STK39: variants seen among roughly 807,000 people sequenced by gnomAD.
STK39 encodes serine/threonine kinase 39, also known as STE20/SPS1-related proline-alanine-rich protein kinase.
Under a neutral mutation model 77.8 loss-of-function variants are expected in STK39, and 20 were observed. That is an observed-to-expected ratio of 0.26 (90% CI 0.18 to 0.37). The LOEUF (loss-of-function observed/expected upper bound fraction) is 0.37, where lower values mean the gene tolerates loss of function less well. Ranked by LOEUF, STK39 falls within the 10% of genes least tolerant of loss-of-function variation. STK39 has a pLI of 1.00. For missense variants in STK39, 479 were observed against 656.5 expected, an observed-to-expected ratio of 0.73 and a Z score of 2.95; for synonymous variants, 246 against 234.1, an observed-to-expected ratio of 1.05 and a Z score of -0.47.
intron 14 of STK39, among the ~76,000 whole-genome samples, chr2:168,048,370 G>A (rs1225519401): frequency 2.0e-5 from 3 of 151,922 alleles, no homozygotes; most frequent in African/African-American, 2.4e-5. Context: ...CCGCCACCAC[G>A]CCTGGCTAAT....
intron 5 of STK39, among the ~76,000 whole-genome samples, chr2:168,144,751 A>G (rs1299732191): frequency 1.3e-5 from 2 of 152,118 alleles, no homozygotes. Flanking sequence ...GGATAAGCAT[A>G]AATATTTTAC....
At chr2:168,057,044 G>T (rs1685545023) in intron 14 of STK39, among the ~76,000 whole-genome samples, 1 of 152,180 alleles carries the variant, frequency 6.6e-6, no homozygotes, top group Non-Finnish European at 1.5e-5. Context: ...GGGTGCTGGG[G>T]TGAGAGAAGA....
chr2:168,195,679 C>A (rs1460404636), intron 1 of STK39, among the ~76,000 whole-genome samples: 2 of 152,186 alleles, frequency 1.3e-5, no homozygotes, highest in Non-Finnish European at 2.9e-5. Context: ...TAAGTCCATC[C>A]AGTTAGAGTA....
chr2:167,997,218 A>G (rs1429108530), intron 16 of STK39, among the ~76,000 whole-genome samples: 4 of 151,914 alleles, frequency 2.6e-5, no homozygotes, highest in Non-Finnish European at 5.9e-5. Context: ...AAGTAGGACA[A>G]CAGTGGTTCA....
At chr2:168,029,978 T>C (rs1410676991) in intron 14 of STK39, among the ~76,000 whole-genome samples, 5 of 152,134 alleles carry the variant, frequency 3.3e-5, no homozygotes, top group Admixed American at 6.5e-5. Context: ...CGGTGGCTCA[T>C]GCCTGTAATC....
chr2:168,051,206 G>T (rs1033257288), intron 14 of STK39, among the ~76,000 whole-genome samples: 27 of 152,264 alleles, frequency 1.8e-4, no homozygotes, highest in African/African-American at 6.3e-4. Flanking sequence ...CTGGAGAGGA[G>T]AATTTTTAGA....
chr2:168,028,684 C>T (rs1684761108), intron 14 of STK39, among the ~76,000 whole-genome samples: 2 of 152,238 alleles, frequency 1.3e-5, no homozygotes, highest in Middle Eastern at 3.4e-3. Context: ...TGATACAGGA[C>T]CAGCCTTCAT....
At position 168,138,173 on chromosome 2, in the gene STK39, C is replaced by T; in HGVS notation, c.889G>A (p.Val297Ile). Reference sequence around the variant, plus strand: ...TTTTTCATCATTTCTTTATCCTCTACCCCTGTTTCCAAAGTGGGTGGATCA... The same window carrying T: ...TTTTTCATCATTTCTTTATCCTCTATCCCTGTTTCCAAAGTGGGTGGATCA... Reference protein sequence around the residue: ...QNDPPTLETGVEDKEMMKKYG... With the variant: ...QNDPPTLETGIEDKEMMKKYG... The change falls in exon 8 of 18, where the codon GTA becomes ATA. Residue 297 changes from valine to isoleucine, a missense_variant. Physicochemically the swap from Val to Ile is conservative, Grantham distance 29. Around this residue, in one of 3 missense-constraint regions of STK39, gnomAD observed 244 missense variants for 296.8 expected, o/e 0.82. Coordinates refer to ENST00000355999, the MANE Select transcript of STK39 (RefSeq NM_013233.3). 1 of 1,613,864 alleles carries T rather than the reference C, an allele frequency of 6.2e-7. No individual in the cohort carries two copies. Among genetic ancestry groups the T allele is most frequent in the East Asian group, 2.2e-5 (1 of 44,854 alleles).
chr2:168,023,943 T>A (rs78616773), intron 14 of STK39, among the ~76,000 whole-genome samples: 9,896 of 152,164 alleles, frequency 0.065, 1,125 homozygotes, highest in African/African-American at 0.22. Context: ...TCCTTACTTT[T>A]ACCCGAAATT....
chr2:168,017,246 T>C (rs1206040629), intron 14 of STK39, 151 bp from the exon 15 acceptor site: 4 of 426,398 alleles, frequency 9.4e-6, no homozygotes, highest in Non-Finnish European at 1.7e-5. Context: ...CTGGAAAAGA[T>C]AGTTATAACA....
intron 7 of STK39, among the ~76,000 whole-genome samples, chr2:168,139,374 A>ATTT (rs1244022942): frequency 1.3e-5 from 2 of 148,612 alleles, no homozygotes; most frequent in African/African-American, 5.1e-5. Flanking sequence ...CACACACACA[A>ATTT]ATACACTAAA....
At chr2:168,175,078 C>T (rs1198354298) in intron 2 of STK39, among the ~76,000 whole-genome samples, 3 of 152,110 alleles carry the variant, frequency 2.0e-5, no homozygotes, top group Non-Finnish European at 4.4e-5. Flanking sequence ...CCTGCAGCCT[C>T]CTCTTAATAC....
chr2:168,049,478 T>C (rs1685338235), intron 14 of STK39, among the ~76,000 whole-genome samples: 1 of 152,244 alleles, frequency 6.6e-6, no homozygotes, highest in Non-Finnish European at 1.5e-5. Flanking sequence ...CAGGGCATCA[T>C]TTAAATGAGG....
At chr2:168,161,640 G>T (rs959361541) in intron 5 of STK39, 147 bp downstream of exon 5, 9 of 549,212 alleles carry the variant, frequency 1.6e-5, no homozygotes, top group Non-Finnish European at 2.8e-5. Context: ...AGGAAAATAT[G>T]TTATCCTTCG....
intron 10 of STK39, among the ~76,000 whole-genome samples, chr2:168,126,507 T>G (rs1285432204): frequency 6.6e-6 from 1 of 152,186 alleles, no homozygotes; most frequent in Admixed American, 6.5e-5. Context: ...ACACGAAGTT[T>G]CCCATAAGGA....
At chr2:167,994,649 A>G (rs565404751) in intron 16 of STK39, among the ~76,000 whole-genome samples, 197 of 152,294 alleles carry the variant, frequency 1.3e-3, no homozygotes, top group African/African-American at 4.6e-3. Flanking sequence ...TTCTATCTCT[A>G]TGGATTTAAC....
At chr2:168,172,940 A>C (rs1225691076) in intron 2 of STK39, among the ~76,000 whole-genome samples, 1 of 152,162 alleles carries the variant, frequency 6.6e-6, no homozygotes. Context: ...GCTTTGACAA[A>C]TACCCACACC....
At chr2:168,037,909 C>T (rs1559068053) in intron 14 of STK39, among the ~76,000 whole-genome samples, 1 of 152,002 alleles carries the variant, frequency 6.6e-6, no homozygotes, top group Non-Finnish European at 1.5e-5. Flanking sequence ...ATAAGATCCA[C>T]TAATATTTGA....
At chr2:168,174,294 G>A (rs766537596) in intron 2 of STK39, among the ~76,000 whole-genome samples, 3 of 152,140 alleles carry the variant, frequency 2.0e-5, no homozygotes, top group African/African-American at 2.4e-5. Flanking sequence ...GAGAAATCCC[G>A]ATGGGCAAAC....
Sources: gnomAD v4.1 joint callset for allele counts (sites outside exome capture counted in the v4.1 genomes callset) on GRCh38, gnomAD v4.1.1 for gene constraint, gnomAD v4.1.1 regional missense constraint, MANE v1.5 for transcripts, NCBI Gene and HGNC (gene_info 2026-07-23, HGNC 2026-07-21) for gene names.